GRM8: variants seen among roughly 807,000 people sequenced by gnomAD.
The protein encoded by GRM8 is metabotropic glutamate receptor 8.
In GRM8, 47 loss-of-function variants were observed where a neutral mutation model predicts 87.2. The ratio of observed to expected loss-of-function variants is 0.54; its 90% CI spans 0.43 to 0.69. The LOEUF (loss-of-function observed/expected upper bound fraction) is 0.69, where lower values mean the gene tolerates loss of function less well. Among genes scored for constraint, GRM8 ranks in the 30% least tolerant of loss-of-function variants. The pLI is 0.00. For missense variants in GRM8, 1,019 were observed against 1,139.2 expected (o/e 0.89, Z 1.52); for synonymous variants, 396 against 404.5 (o/e 0.98, Z 0.25).
At chr7:126,856,895 TTA>T (rs1198691346) in intron 6 of GRM8, among the ~76,000 whole-genome samples, 4 of 152,204 alleles carry the variant, frequency 2.6e-5, no homozygotes, top group African/African-American at 9.6e-5. Context: ...GCTAAGACAA[TTA>T]CCTCTTCTTT....
intron 7 of GRM8, among the ~76,000 whole-genome samples, chr7:126,639,671 CACTAA>C (rs1242328285): frequency 6.6e-6 from 1 of 152,126 alleles, no homozygotes; most frequent in East Asian, 1.9e-4. Context: ...AGTGAAATTA[CACTAA>C]ACTAAAGTAG....
At chr7:127,200,626 C>T (rs1277948354) in intron 2 of GRM8, among the ~76,000 whole-genome samples, 1 of 152,164 alleles carries the variant, frequency 6.6e-6, no homozygotes, top group Admixed American at 6.6e-5. Context: ...GAGGACCCTT[C>T]CTTGCCTCCT....
chr7:127,182,482 T>C (rs1025762185), intron 2 of GRM8, among the ~76,000 whole-genome samples: 1 of 151,972 alleles, frequency 6.6e-6, no homozygotes, highest in African/African-American at 2.4e-5. Flanking sequence ...GACCCAGCAA[T>C]CCCACTACTG....
chr7:126,542,766 T>C (rs1402393775), intron 8 of GRM8, among the ~76,000 whole-genome samples: 1 of 152,188 alleles, frequency 6.6e-6, no homozygotes, highest in African/African-American at 2.4e-5. Context: ...GACATGATAG[T>C]ATTATTTTTT....
intron 7 of GRM8, among the ~76,000 whole-genome samples, chr7:126,651,790 G>T (rs1008656321): frequency 6.6e-6 from 1 of 152,156 alleles, no homozygotes; most frequent in African/African-American, 2.4e-5. Flanking sequence ...GTAAAGAAGA[G>T]TATGCATGGA....
intron 2 of GRM8, among the ~76,000 whole-genome samples, chr7:127,114,886 G>A (rs1024616943): frequency 6.6e-6 from 1 of 152,050 alleles, no homozygotes; most frequent in African/African-American, 2.4e-5. Flanking sequence ...GACTCAAGGA[G>A]ACTAAATAAA....
chr7:126,644,556 CTG>C (rs1278139495), intron 7 of GRM8, among the ~76,000 whole-genome samples: 2 of 152,286 alleles, frequency 1.3e-5, no homozygotes, highest in Non-Finnish European at 2.9e-5. Flanking sequence ...GGCTAGTTTT[CTG>C]TGTATAGCTC....
chr7:126,907,050 A>T (rs1802751051), intron 3 of GRM8, among the ~76,000 whole-genome samples: 1 of 152,084 alleles, frequency 6.6e-6, no homozygotes, highest in Admixed American at 6.6e-5. Flanking sequence ...CAAACTAAAA[A>T]GAAAGAAGAA....
chr7:126,563,288 GT>G (rs1554401055), intron 8 of GRM8, among the ~76,000 whole-genome samples: 3,206 of 134,048 alleles, frequency 0.024, 125 homozygotes, highest in African/African-American at 0.078. Context: ...TTGCCCTGTG[GT>G]TTTTTTTTAA....
At chr7:126,664,081 C>G (rs1200424065) in intron 7 of GRM8, among the ~76,000 whole-genome samples, 1 of 151,936 alleles carries the variant, frequency 6.6e-6, no homozygotes, top group Non-Finnish European at 1.5e-5. Flanking sequence ...TATATTTAAC[C>G]TAGGAGGTGA....
At chr7:126,506,637 G>A (rs1026499154) in intron 9 of GRM8, among the ~76,000 whole-genome samples, 1 of 151,862 alleles carries the variant, frequency 6.6e-6, no homozygotes, top group Non-Finnish European at 1.5e-5. Context: ...ATAATAGCCA[G>A]GCATGGTGGT....
At chr7:126,478,974 A>G (rs975107775) in intron 9 of GRM8, among the ~76,000 whole-genome samples, 4 of 152,124 alleles carry the variant, frequency 2.6e-5, no homozygotes, top group African/African-American at 4.8e-5. Context: ...AAAGAGGGGT[A>G]GGTGGTAATG....
At chr7:127,236,493 G>A (rs952141596) in intron 2 of GRM8, among the ~76,000 whole-genome samples, 3 of 152,172 alleles carry the variant, frequency 2.0e-5, no homozygotes, top group East Asian at 3.9e-4. Flanking sequence ...AGGAAGGAGC[G>A]TGCCAAACAA....
chr7:126,714,279 A>AGACTCC (rs1460047721), intron 7 of GRM8, among the ~76,000 whole-genome samples: 3 of 15,020 alleles, frequency 2.0e-4, no homozygotes, highest in African/African-American at 1.1e-3. Flanking sequence ...CTCCATCTCA[A>AGACTCC]ATAATAATAA....
intron 7 of GRM8, among the ~76,000 whole-genome samples, chr7:126,631,111 A>T (rs779076561): frequency 6.6e-6 from 1 of 152,222 alleles, no homozygotes; most frequent in African/African-American, 2.4e-5. Flanking sequence ...TGTAGATGAC[A>T]TGATCCTATA....
intron 2 of GRM8, among the ~76,000 whole-genome samples, chr7:127,239,005 A>T (rs1327802352): frequency 6.6e-6 from 1 of 152,232 alleles, no homozygotes; most frequent in Non-Finnish European, 1.5e-5. Context: ...GATAGCTGAC[A>T]ACACCTAGAT....
intron 3 of GRM8, among the ~76,000 whole-genome samples, chr7:126,989,502 T>C (rs1202670922): frequency 6.6e-6 from 1 of 152,190 alleles, no homozygotes; most frequent in Non-Finnish European, 1.5e-5. Flanking sequence ...CTTTCAACTA[T>C]ACGTTTGCCT....
intron 7 of GRM8, among the ~76,000 whole-genome samples, chr7:126,742,109 T>C (rs1049728160): frequency 6.6e-6 from 1 of 152,018 alleles, no homozygotes; most frequent in Non-Finnish European, 1.5e-5. Context: ...CCCTGTATTT[T>C]CCATCTGCAT....
At chr7:126,726,202 T>TA (rs1812950440) in intron 7 of GRM8, among the ~76,000 whole-genome samples, 2 of 150,824 alleles carry the variant, frequency 1.3e-5, no homozygotes, top group South Asian at 4.2e-4. Context: ...ATATCATGGT[T>TA]ATCATTCATG....
Sources: gnomAD v4.1 joint callset for allele counts (sites outside exome capture counted in the v4.1 genomes callset) on GRCh38, gnomAD v4.1.1 for gene constraint, MANE v1.5 for transcripts, NCBI Gene and HGNC (gene_info 2026-07-23, HGNC 2026-07-21) for gene names.